The following ZNF892 variants were observed in gnomAD, a reference collection of about 807,000 sequenced individuals.
ZNF892 encodes the protein zinc finger protein 570-like.
At chr2:95,215,274 G>A in the ZNF892 span, 3 of 479,682 alleles carry the variant, frequency 6.3e-6, no homozygotes, top group African/African-American at 2.0e-5. Flanking sequence ...TCACACTGGG[G>A]AGAAACCCTA....
chr2:95,208,580 G>A, the ZNF892 span: 1 of 398,328 alleles, frequency 2.5e-6, no homozygotes, highest in Non-Finnish European at 4.4e-6. Context: ...ACTAGCTGGT[G>A]TGTGGCACTT....
the ZNF892 span, among the ~76,000 whole-genome samples, chr2:95,222,454 A>G: frequency 1.3e-5 from 2 of 152,198 alleles, no homozygotes; most frequent in African/African-American, 4.8e-5. Context: ...CCAGCAACGT[A>G]TGAAGATGTG....
chr2:95,235,516 C>T, the ZNF892 span, among the ~76,000 whole-genome samples: 1 of 152,174 alleles, frequency 6.6e-6, no homozygotes, highest in Non-Finnish European at 1.5e-5. Context: ...CGCCAGCCAC[C>T]ATGCCTGGCT....
At chr2:95,240,737 G>T in the ZNF892 span, among the ~76,000 whole-genome samples, 1 of 152,324 alleles carries the variant, frequency 6.6e-6, no homozygotes, top group Non-Finnish European at 1.5e-5. Flanking sequence ...AACAGCAACT[G>T]GCTGGAGTCT....
At chr2:95,220,277 A>T in the ZNF892 span, among the ~76,000 whole-genome samples, 3 of 151,924 alleles carry the variant, frequency 2.0e-5, no homozygotes, top group Non-Finnish European at 4.4e-5. Context: ...GTGGTTTTCT[A>T]AACATTTTCT....
the ZNF892 span, among the ~76,000 whole-genome samples, chr2:95,208,481 G>T: frequency 5.5e-3 from 839 of 152,292 alleles, 6 homozygotes; most frequent in African/African-American, 0.019. Flanking sequence ...AATAGGAGGA[G>T]CCTGAGACAG....
At chr2:95,217,717 G>A in the ZNF892 span, among the ~76,000 whole-genome samples, 1 of 152,188 alleles carries the variant, frequency 6.6e-6, no homozygotes, top group East Asian at 1.9e-4. Context: ...GTCAGATCTT[G>A]TGAGAATAAC....
the ZNF892 span, among the ~76,000 whole-genome samples, chr2:95,238,328 C>T: frequency 6.6e-6 from 1 of 152,196 alleles, no homozygotes; most frequent in East Asian, 1.9e-4. Flanking sequence ...TGTCTGTGCT[C>T]TATAAATGGA....
At chr2:95,207,662 G>C in the ZNF892 span, 1 of 395,858 alleles carries the variant, frequency 2.5e-6, no homozygotes, top group Non-Finnish European at 4.4e-6. Context: ...TTTAATCTGA[G>C]TGTCCGGGAG....
chr2:95,235,528 ATT>A, the ZNF892 span, among the ~76,000 whole-genome samples: 1 of 152,114 alleles, frequency 6.6e-6, no homozygotes, highest in Middle Eastern at 3.4e-3. Flanking sequence ...TGCCTGGCTA[ATT>A]TTTTGTATTT....
the ZNF892 span, among the ~76,000 whole-genome samples, chr2:95,230,200 G>A: frequency 6.8e-3 from 1,034 of 152,176 alleles, 7 homozygotes; most frequent in Non-Finnish European, 0.011. Flanking sequence ...TGATATAATG[G>A]ATTTTGAGGA....
the ZNF892 span, among the ~76,000 whole-genome samples, chr2:95,225,129 T>C: frequency 6.6e-6 from 1 of 152,252 alleles, no homozygotes; most frequent in African/African-American, 2.4e-5. Flanking sequence ...CTTACCATAA[T>C]GTTTTCATAA....
At chr2:95,253,287 C>A in the ZNF892 span, among the ~76,000 whole-genome samples, 1 of 152,188 alleles carries the variant, frequency 6.6e-6, no homozygotes, top group African/African-American at 2.4e-5. Context: ...GATCCAGTTT[C>A]AGCTTTCTAC....
chr2:95,254,554 T>G, the ZNF892 span, among the ~76,000 whole-genome samples: 3 of 152,212 alleles, frequency 2.0e-5, no homozygotes, highest in African/African-American at 4.8e-5. Context: ...TTTTTTGTTG[T>G]GTCTCTGCCA....
At chr2:95,258,926 G>A in the ZNF892 span, 9 of 152,082 alleles carry the variant, frequency 5.9e-5, no homozygotes, top group African/African-American at 1.9e-4. Flanking sequence ...ACATAACATG[G>A]GAATTCTCAT....
the ZNF892 span, among the ~76,000 whole-genome samples, chr2:95,233,672 CAAAAAAAAAA>C: frequency 8.5e-5 from 3 of 35,174 alleles, no homozygotes; most frequent in African/African-American, 3.8e-4. Context: ...GACTCCATCT[CAAAAAAAAAA>C]AAAAAAAAAA....
chr2:95,215,536 A>G, the ZNF892 span: 1 of 410,352 alleles, frequency 2.4e-6, no homozygotes, highest in Non-Finnish European at 4.3e-6. Flanking sequence ...GTGAAAACCA[A>G]GAAATATGTC....
chr2:95,235,355 A>G, the ZNF892 span, among the ~76,000 whole-genome samples: 1 of 149,956 alleles, frequency 6.7e-6, no homozygotes. Context: ...TGGATGTTCC[A>G]GTAAACTTTT....
At chr2:95,234,490 G>A in the ZNF892 span, among the ~76,000 whole-genome samples, 1 of 152,314 alleles carries the variant, frequency 6.6e-6, no homozygotes, top group East Asian at 1.9e-4. Flanking sequence ...GACGGGCCTG[G>A]CAGGGCTTCC....
Sources: gnomAD v4.1 joint callset for allele counts (sites outside exome capture counted in the v4.1 genomes callset) on GRCh38, gnomAD v4.1.1 for gene constraint, MANE v1.5 for transcripts, NCBI Gene and HGNC (gene_info 2026-07-23, HGNC 2026-07-21) for gene names.